The following GALNT13 variants were observed in gnomAD, a reference collection of about 807,000 sequenced individuals.
GALNT13 encodes the protein polypeptide N-acetylgalactosaminyltransferase 13, also known as UDP-GalNAc:polypeptide N-acetylgalactosaminyltransferase 13.
GALNT13 carries 28 observed loss-of-function variants against 64.2 expected under a neutral mutation model. The ratio of observed to expected loss-of-function variants is 0.44; its 90% CI spans 0.32 to 0.60. The LOEUF (loss-of-function observed/expected upper bound fraction) is 0.60, where lower values mean the gene tolerates loss of function less well. Among genes scored for constraint, GALNT13 ranks in the 20% least tolerant of loss-of-function variants. The pLI is 0.05. For synonymous variants in GALNT13, 214 were observed against 224.6 expected (o/e 0.95, Z 0.42); for missense variants, 577 against 669.8 (o/e 0.86, Z 1.53).
chr2:153,328,201 G>T, the GALNT13 span, among the ~76,000 whole-genome samples: 1 of 152,188 alleles, frequency 6.6e-6, no homozygotes, highest in African/African-American at 2.4e-5. Context: ...GCAGTTGCCA[G>T]ATGCCAGCCA....
At chr2:154,110,356 G>GAGAGAC (rs1299415734) in intron 3 of GALNT13, among the ~76,000 whole-genome samples, 1 of 97,690 alleles carries the variant, frequency 1.0e-5, no homozygotes, top group African/African-American at 4.4e-5. Context: ...GAGAGAGAGA[G>GAGAGAC]AGAGAGAGAG....
At chr2:153,705,011 T>G in the GALNT13 span, among the ~76,000 whole-genome samples, 1 of 152,218 alleles carries the variant, frequency 6.6e-6, no homozygotes, top group Admixed American at 6.5e-5. Context: ...GGGATGGTCA[T>G]GTCAACCACC....
intron 3 of GALNT13, among the ~76,000 whole-genome samples, chr2:153,949,518 A>C (rs1271058866): frequency 6.6e-6 from 1 of 150,742 alleles, no homozygotes; most frequent in Non-Finnish European, 1.5e-5. Flanking sequence ...TCAAAAAAGA[A>C]AAAAAAAAAC....
intron 6 of GALNT13, among the ~76,000 whole-genome samples, chr2:154,244,284 A>G (rs372044244): frequency 6.6e-4 from 101 of 152,302 alleles, no homozygotes; most frequent in Admixed American, 2.7e-3. Flanking sequence ...CAGTCTGTTC[A>G]AGATTTTTAG....
chr2:153,275,011 TC>T, the GALNT13 span, among the ~76,000 whole-genome samples: 1 of 152,330 alleles, frequency 6.6e-6, no homozygotes, highest in East Asian at 1.9e-4. Context: ...TGCAAATAAG[TC>T]CTTTTGTCTT....
intron 2 of GALNT13, among the ~76,000 whole-genome samples, chr2:153,941,866 T>C (rs1160021294): frequency 6.6e-6 from 1 of 152,116 alleles, no homozygotes; most frequent in East Asian, 1.9e-4. Flanking sequence ...AGCAACTTAG[T>C]TTTTCACATG....
chr2:154,080,539 A>T (rs1252209066), intron 3 of GALNT13, among the ~76,000 whole-genome samples: 1 of 151,588 alleles, frequency 6.6e-6, no homozygotes, highest in East Asian at 1.9e-4. Context: ...ATTAGAGATC[A>T]TTAAAAACAT....
chr2:153,855,422 C>A, the GALNT13 span, among the ~76,000 whole-genome samples: 2 of 152,076 alleles, frequency 1.3e-5, no homozygotes, highest in Non-Finnish European at 2.9e-5. Flanking sequence ...CAAAAATGGG[C>A]AAATTACCTG....
the GALNT13 span, among the ~76,000 whole-genome samples, chr2:153,622,533 C>T: frequency 1.3e-5 from 2 of 152,132 alleles, no homozygotes; most frequent in East Asian, 1.9e-4. Context: ...TTTATGGTCT[C>T]GCCAAAGGGC....
At chr2:154,385,997 A>G (rs1347420169) in intron 9 of GALNT13, among the ~76,000 whole-genome samples, 2 of 152,104 alleles carry the variant, frequency 1.3e-5, no homozygotes, top group African/African-American at 2.4e-5. Flanking sequence ...CATGTATGAT[A>G]AGATAGTCAA....
At chr2:154,083,979 A>G (rs868289390) in intron 3 of GALNT13, among the ~76,000 whole-genome samples, 4 of 151,848 alleles carry the variant, frequency 2.6e-5, no homozygotes, top group Non-Finnish European at 5.9e-5. Context: ...GAGAATGATC[A>G]TATCTGCAAC....
At chr2:153,254,925 C>T in the GALNT13 span, among the ~76,000 whole-genome samples, 1 of 152,024 alleles carries the variant, frequency 6.6e-6, no homozygotes, top group Non-Finnish European at 1.5e-5. Context: ...TGGTGTGGTA[C>T]TGAAAAAAAT....
At chr2:153,486,210 C>T in the GALNT13 span, among the ~76,000 whole-genome samples, 2 of 152,112 alleles carry the variant, frequency 1.3e-5, no homozygotes. Context: ...TGCTGGATTA[C>T]AGGTGTGAGC....
At chr2:154,429,764 A>T (rs758227148) in intron 11 of GALNT13, among the ~76,000 whole-genome samples, 4 of 152,226 alleles carry the variant, frequency 2.6e-5, no homozygotes, top group Non-Finnish European at 5.9e-5. Flanking sequence ...AAGCTTCAAA[A>T]GACAGGCTGA....
chr2:153,254,719 G>A, the GALNT13 span, among the ~76,000 whole-genome samples: 20 of 151,860 alleles, frequency 1.3e-4, no homozygotes, highest in Non-Finnish European at 1.6e-4. Context: ...CCTTCATTTC[G>A]TTATGTACCC....
At chr2:154,347,115 CAAT>C (rs1485473820) in intron 9 of GALNT13, among the ~76,000 whole-genome samples, 1 of 152,050 alleles carries the variant, frequency 6.6e-6, no homozygotes, top group Non-Finnish European at 1.5e-5. Context: ...TCACCACCAG[CAAT>C]AATGATTGTT....
chr2:153,834,690 T>A, the GALNT13 span, among the ~76,000 whole-genome samples: 1 of 152,188 alleles, frequency 6.6e-6, no homozygotes, highest in South Asian at 2.1e-4. Context: ...GACTATTGAG[T>A]CACCATTTAC....
chr2:153,199,880 C>T, the GALNT13 span, among the ~76,000 whole-genome samples: 1 of 152,136 alleles, frequency 6.6e-6, no homozygotes, highest in Non-Finnish European at 1.5e-5. Context: ...AAGGATGATA[C>T]AGTGCCATGA....
chr2:153,431,074 T>C, the GALNT13 span, among the ~76,000 whole-genome samples: 4 of 149,682 alleles, frequency 2.7e-5, no homozygotes, highest in African/African-American at 9.9e-5. Context: ...CACTTGAACC[T>C]GGGAGGCGGA....
Sources: allele counts gnomAD v4.1 joint callset (sites outside exome capture counted in the v4.1 genomes callset), GRCh38; gene constraint gnomAD v4.1.1; transcripts MANE v1.5; gene names NCBI Gene and HGNC (gene_info 2026-07-23, HGNC 2026-07-21).